DAB1: variants seen among roughly 807,000 people sequenced by gnomAD.
DAB1 encodes the protein disabled homolog 1.
DAB1 carries 15 observed loss-of-function variants against 64.6 expected under a neutral mutation model. The ratio of observed to expected loss-of-function variants is 0.23; its 90% CI spans 0.16 to 0.36. DAB1 has a LOEUF of 0.36. Among genes scored for constraint, DAB1 ranks in the 10% least tolerant of loss-of-function variants. The pLI is 1.00. For synonymous variants in DAB1, 235 were observed against 251.9 expected, an observed-to-expected ratio of 0.93 and a Z score of 0.64; for missense variants, 596 against 706.7, an observed-to-expected ratio of 0.84 and a Z score of 1.78.
intron 7 of DAB1, among the ~76,000 whole-genome samples, chr1:57,552,235 A>G (rs1261335238): frequency 2.0e-5 from 3 of 152,314 alleles, no homozygotes; most frequent in East Asian, 1.9e-4. Flanking sequence ...TTTTATTCTA[A>G]TAAGTCCCAA....
chr1:58,029,017 T>C (rs1278360574), intron 5 of DAB1, among the ~76,000 whole-genome samples: 1 of 152,200 alleles, frequency 6.6e-6, no homozygotes, highest in Non-Finnish European at 1.5e-5. Flanking sequence ...ATTAAGCATC[T>C]TGAAGGTGCT....
chr1:57,094,222 C>G (rs565586524), intron 4 of DAB1, among the ~76,000 whole-genome samples: 4 of 151,590 alleles, frequency 2.6e-5, no homozygotes, highest in Admixed American at 6.6e-5. Context: ...AATTTTTCAC[C>G]CCTTCAATAA....
At chr1:58,098,681 C>A (rs1361761130) in intron 5 of DAB1, among the ~76,000 whole-genome samples, 1 of 152,154 alleles carries the variant, frequency 6.6e-6, no homozygotes, top group Non-Finnish European at 1.5e-5. Flanking sequence ...AGGGTAGGCC[C>A]TCATCTGATT....
chr1:57,360,612 A>C (rs1679472728), intron 1 of DAB1, among the ~76,000 whole-genome samples: 1 of 152,174 alleles, frequency 6.6e-6, no homozygotes, highest in South Asian at 2.1e-4. Context: ...ACAATTAATA[A>C]AATAAAATCA....
At chr1:57,726,716 G>C (rs1032306524) in intron 6 of DAB1, among the ~76,000 whole-genome samples, 3 of 152,050 alleles carry the variant, frequency 2.0e-5, no homozygotes, top group Non-Finnish European at 4.4e-5. Flanking sequence ...TTTGTTGATG[G>C]GGAGAATTAA....
intron 5 of DAB1, among the ~76,000 whole-genome samples, chr1:58,004,931 C>T (rs1195125218): frequency 1.3e-5 from 2 of 152,116 alleles, no homozygotes; most frequent in Non-Finnish European, 2.9e-5. Context: ...AATACAGTTA[C>T]ACTTCTTCAC....
At chr1:57,648,595 C>A (rs1037566432) in intron 7 of DAB1, among the ~76,000 whole-genome samples, 1 of 152,194 alleles carries the variant, frequency 6.6e-6, no homozygotes, top group African/African-American at 2.4e-5. Context: ...AGTCTCAGAT[C>A]CTCCAGCCTC....
intron 5 of DAB1, among the ~76,000 whole-genome samples, chr1:57,943,419 T>C (rs1199776242): frequency 6.6e-6 from 1 of 152,206 alleles, no homozygotes. Context: ...TCCTGAGGCC[T>C]AAATGGATGT....
At chr1:57,161,784 T>C (rs1334034257) in intron 2 of DAB1, among the ~76,000 whole-genome samples, 1 of 151,998 alleles carries the variant, frequency 6.6e-6, no homozygotes, top group African/African-American at 2.4e-5. Context: ...ACATTTATGG[T>C]TGCATTCAAG....
intron 3 of DAB1, among the ~76,000 whole-genome samples, chr1:58,442,776 T>C (rs1184292093): frequency 6.6e-6 from 1 of 152,078 alleles, no homozygotes; most frequent in East Asian, 1.9e-4. Flanking sequence ...TCACAGCACT[T>C]TGGGAGGCTG....
At chr1:57,292,283 A>G (rs901876990) in intron 1 of DAB1, among the ~76,000 whole-genome samples, 5 of 152,216 alleles carry the variant, frequency 3.3e-5, no homozygotes. Flanking sequence ...GCCACATAAA[A>G]TTATAGTAAA....
chr1:57,834,508 G>C (rs755770103), intron 1 of DAB1, among the ~76,000 whole-genome samples: 22 of 151,964 alleles, frequency 1.4e-4, no homozygotes, highest in Non-Finnish European at 2.2e-4. Flanking sequence ...AAGCAAAAAG[G>C]GATTCAGCAG....
intron 5 of DAB1, among the ~76,000 whole-genome samples, chr1:57,939,134 G>A (rs1645066840): frequency 6.6e-6 from 1 of 152,032 alleles, no homozygotes; most frequent in African/African-American, 2.4e-5. Flanking sequence ...CTTGGTGAGG[G>A]CCCTCTATCT....
intron 6 of DAB1, among the ~76,000 whole-genome samples, chr1:57,674,397 T>C: frequency 6.6e-6 from 1 of 152,154 alleles, no homozygotes; most frequent in Non-Finnish European, 1.5e-5. Context: ...TGGAAGACTC[T>C]TTTTCCCCAC....
At chr1:58,059,151 A>G (rs1648331905) in intron 5 of DAB1, among the ~76,000 whole-genome samples, 1 of 152,130 alleles carries the variant, frequency 6.6e-6, no homozygotes, top group Non-Finnish European at 1.5e-5. Context: ...TTGCTATTTT[A>G]AGATCCTCCT....
intron 2 of DAB1, among the ~76,000 whole-genome samples, chr1:57,268,543 T>C (rs1670756098): frequency 6.6e-6 from 1 of 152,182 alleles, no homozygotes; most frequent in Non-Finnish European, 1.5e-5. Flanking sequence ...TTTCCTTTAA[T>C]AAGTGTGTGA....
At chr1:57,349,862 G>A (rs1039576472) in intron 1 of DAB1, among the ~76,000 whole-genome samples, 4 of 152,174 alleles carry the variant, frequency 2.6e-5, no homozygotes, top group African/African-American at 9.7e-5. Context: ...AATACTGATT[G>A]TAGCCTCCTC....
intron 1 of DAB1, among the ~76,000 whole-genome samples, chr1:57,309,208 T>C (rs370321739): frequency 6.6e-6 from 1 of 152,278 alleles, no homozygotes; most frequent in South Asian, 2.1e-4. Context: ...CTTAGAAAGA[T>C]CGAATGCTTT....
intron 10 of DAB1, among the ~76,000 whole-genome samples, chr1:57,024,447 T>C (rs1218620753): frequency 6.6e-6 from 1 of 152,174 alleles, no homozygotes; most frequent in African/African-American, 2.4e-5. Context: ...TGTTCGATGC[T>C]GTAATATCCT....
Sources: allele counts gnomAD v4.1 joint callset (sites outside exome capture counted in the v4.1 genomes callset), GRCh38; gene constraint gnomAD v4.1.1; transcripts MANE v1.5; gene names NCBI Gene and HGNC (gene_info 2026-07-23, HGNC 2026-07-21).